ULK4: variants seen among roughly 807,000 people sequenced by gnomAD.
ULK4 encodes the protein unc-51 like kinase 4.
A neutral mutation model predicts 160.6 loss-of-function variants in ULK4; 133 were observed. That is an observed-to-expected ratio of 0.83 (90% CI 0.72 to 0.96). The LOEUF is 0.96. Ranked by LOEUF, ULK4 falls within the 40% of genes least tolerant of loss-of-function variation. The probability of loss-of-function intolerance (pLI) is 0.00; values close to 1 mark genes in which losing one functional copy is unlikely to be tolerated. For synonymous variants in ULK4, 534 were observed against 539.8 expected (o/e 0.99, Z 0.15); for missense variants, 1,580 against 1,499.5 (o/e 1.05, Z -0.89).
At chr3:41,449,439 A>C (rs1319691004) in intron 34 of ULK4, among the ~76,000 whole-genome samples, 5 of 152,188 alleles carry the variant, frequency 3.3e-5, no homozygotes, top group Non-Finnish European at 7.3e-5. Flanking sequence ...GTGGCTACTC[A>C]GAAAGAGGGG....
At chr3:41,400,186 T>C (rs189432059) in intron 34 of ULK4, among the ~76,000 whole-genome samples, 1 of 152,152 alleles carries the variant, frequency 6.6e-6, no homozygotes, top group Non-Finnish European at 1.5e-5. Context: ...ACCTTAGCCA[T>C]CAACCTTATT....
intron 4 of ULK4, among the ~76,000 whole-genome samples, chr3:41,935,581 G>C (rs963732511): frequency 6.7e-6 from 1 of 148,950 alleles, no homozygotes; most frequent in African/African-American, 2.5e-5. Context: ...GGCTGGTCTC[G>C]AACTCCTGAC....
At chr3:41,858,732 T>C (rs1398586754) in intron 17 of ULK4, among the ~76,000 whole-genome samples, 2 of 151,252 alleles carry the variant, frequency 1.3e-5, no homozygotes, top group African/African-American at 4.9e-5. Context: ...CTGGAACTCC[T>C]GGCCTCAGGT....
chr3:41,534,623 G>A (rs2086432300), intron 32 of ULK4, among the ~76,000 whole-genome samples: 1 of 151,714 alleles, frequency 6.6e-6, no homozygotes, highest in Non-Finnish European at 1.5e-5. Context: ...GCCATGAACT[G>A]AGGCAACAGA....
At chr3:41,478,018 T>TCAAACC (rs1452820876) in intron 32 of ULK4, among the ~76,000 whole-genome samples, 11 of 152,234 alleles carry the variant, frequency 7.2e-5, no homozygotes, top group African/African-American at 2.7e-4. Flanking sequence ...CCAATGCCTT[T>TCAAACC]CAAACCCAGC....
chr3:41,559,371 A>T (rs1327271263), intron 32 of ULK4, among the ~76,000 whole-genome samples: 1 of 145,888 alleles, frequency 6.9e-6, no homozygotes, highest in African/African-American at 2.5e-5. Flanking sequence ...CATGGTTTAT[A>T]ATCCTTTGGG....
chr3:41,944,634 G>T (rs1394604862), intron 2 of ULK4, among the ~76,000 whole-genome samples: 2 of 151,748 alleles, frequency 1.3e-5, no homozygotes, highest in African/African-American at 2.4e-5. Context: ...GTAGAGATAG[G>T]GTCTTGCTAT....
At chr3:41,625,298 A>G (rs2033446148) in intron 30 of ULK4, among the ~76,000 whole-genome samples, 1 of 152,220 alleles carries the variant, frequency 6.6e-6, no homozygotes, top group Non-Finnish European at 1.5e-5. Flanking sequence ...AAAATATCTG[A>G]TATCCACGGA....
At chr3:41,734,026 C>A (rs1489254409) in intron 22 of ULK4, among the ~76,000 whole-genome samples, 1 of 152,138 alleles carries the variant, frequency 6.6e-6, no homozygotes, top group Non-Finnish European at 1.5e-5. Context: ...GCATGAGCCA[C>A]TGCGCCCAGC....
chr3:41,449,564 C>T (rs2083380417), intron 34 of ULK4, among the ~76,000 whole-genome samples: 1 of 152,036 alleles, frequency 6.6e-6, no homozygotes, highest in South Asian at 2.1e-4. Flanking sequence ...CCCTGGGCTC[C>T]ATCACCATAA....
chr3:41,601,415 G>T (rs2032054765), intron 31 of ULK4, among the ~76,000 whole-genome samples: 1 of 152,152 alleles, frequency 6.6e-6, no homozygotes, highest in African/African-American at 2.4e-5. Flanking sequence ...TAGGTACTTT[G>T]CCCCCAAGGA....
Position 41,398,380 on chromosome 3 carries a change from CTTTTTTACT to C in ULK4, c.3493-125_3493-117del, listed in dbSNP as rs2082110307. Reference sequence around the variant, plus strand: ...GTCAGCCTGAGTAGTCTGCTGAATACTTTTTTACTTTTTTTTTTTTTGAGACAGGGTCCC... The same window carrying C: ...GTCAGCCTGAGTAGTCTGCTGAATACTTTTTTTTTTTTGAGACAGGGTCCC... On this transcript the variant is annotated intron_variant, in intron 34 of 36. Transcript: ENST00000301831. 1.4e-5 allele frequency: 13 copies of C among 956,972 alleles called. No individual in the cohort carries two copies. The South Asian group carries it at 2.0e-4, about 15-fold the overall frequency. 59.3% of individuals were successfully genotyped at this position (956,972 alleles called of 1,614,324 possible). A position where few individuals can be genotyped will look rare whatever the true frequency, so the allele number is the denominator to read the frequency against.
chr3:41,357,279 A>T (rs756493346), intron 35 of ULK4, among the ~76,000 whole-genome samples: 4 of 152,178 alleles, frequency 2.6e-5, no homozygotes, highest in Non-Finnish European at 5.9e-5. Context: ...TGTAGAGTGG[A>T]GACTTCAACC....
rs532801384 is a variant in ULK4, at chr3:41,475,929, G to A, written c.3227-12676C>T. On this transcript the variant is annotated intron_variant, in intron 32 of 36. Transcript: ENST00000301831. The stretch of plus-strand genomic sequence containing the variant: ...GAAGGGAAGGAGTGAGGGAAGGAGC[G>A]AAGGAAGGAGGGAGAAGGGAGGAAA... 1.9e-4 allele frequency among the ~76,000 whole-genome samples: 29 copies of A among 151,398 alleles called. No individual in the cohort carries two copies. In the South Asian group the frequency reaches 4.4e-3, roughly 23 times the overall value.
chr3:41,319,170 T>A (rs1575428190), intron 35 of ULK4, among the ~76,000 whole-genome samples: 1 of 152,318 alleles, frequency 6.6e-6, no homozygotes, highest in Non-Finnish European at 1.5e-5. Flanking sequence ...TGGCAACCTT[T>A]GGAATGGACT....
intron 31 of ULK4, among the ~76,000 whole-genome samples, chr3:41,611,520 C>T (rs1159900584): frequency 6.6e-6 from 1 of 152,150 alleles, no homozygotes; most frequent in African/African-American, 2.4e-5. Context: ...TCTTATGTTG[C>T]CAGCCCCACA....
chr3:41,702,721 TA>T (rs1335270295), intron 27 of ULK4, among the ~76,000 whole-genome samples: 7 of 151,800 alleles, frequency 4.6e-5, no homozygotes, highest in African/African-American at 7.3e-5. Flanking sequence ...TCAAAATACA[TA>T]AAACAAAAAT....
chr3:41,663,349 C>G (rs2035247780), intron 30 of ULK4, among the ~76,000 whole-genome samples: 1 of 152,150 alleles, frequency 6.6e-6, no homozygotes, highest in Non-Finnish European at 1.5e-5. Context: ...TATATTGTTT[C>G]ATCTCTTAAA....
chr3:41,305,448 C>T (rs576614236), intron 35 of ULK4, among the ~76,000 whole-genome samples: 1 of 152,254 alleles, frequency 6.6e-6, no homozygotes, highest in African/African-American at 2.4e-5. Flanking sequence ...TCTCCAGCCC[C>T]TAACCGCAAG....
Sources: allele counts gnomAD v4.1 joint callset (sites outside exome capture counted in the v4.1 genomes callset), GRCh38; gene constraint gnomAD v4.1.1; transcripts MANE v1.5; gene names NCBI Gene and HGNC (gene_info 2026-07-23, HGNC 2026-07-21).